ADAR: variants seen among roughly 807,000 people sequenced by gnomAD.
ADAR encodes double-stranded RNA-specific adenosine deaminase.
Under a neutral mutation model 113.2 loss-of-function variants are expected in ADAR, and 41 were observed. That is an observed-to-expected ratio of 0.36 (90% confidence interval 0.28 to 0.47). ADAR has a LOEUF of 0.47. Ranked by LOEUF, ADAR falls within the 20% of genes least tolerant of loss-of-function variation. The pLI, the probability that ADAR is intolerant of heterozygous loss-of-function variation, is 1.00. For missense variants in ADAR, 1,242 were observed against 1,540.9 expected (o/e 0.81, Z 3.25); for synonymous variants, 605 against 572.6 (o/e 1.06, Z -0.81).
chr1:154,624,416 G>C (rs547097878), intron 1 of ADAR, among the ~76,000 whole-genome samples: 2 of 152,260 alleles, frequency 1.3e-5, no homozygotes, highest in South Asian at 4.2e-4. Context: ...GCAGCAACTA[G>C]ACCTCCTTGG....
At chr1:154,624,127 C>G (rs1698871489) in intron 1 of ADAR, among the ~76,000 whole-genome samples, 1 of 152,206 alleles carries the variant, frequency 6.6e-6, no homozygotes, top group African/African-American at 2.4e-5. Flanking sequence ...GCCCCAGGAT[C>G]CAGCCATGCC....
chr1:154,626,035 A>G lies in ADAR; in HGVS notation c.-871+1820T>C, dbSNP rs191558450. Among the ~76,000 whole-genome samples the G allele has an allele frequency of 7.9e-3, 1,200 of 150,946 alleles. 18 individuals are homozygous for G. Among genetic ancestry groups the G allele is most frequent in the African/African-American group, 0.028 (1,153 of 41,042 alleles). On this transcript the variant is annotated intron_variant, in intron 1 of 14. Transcript: ENST00000368471. The stretch of plus-strand genomic sequence containing the variant: ...AAAAAAAAAAAAAAATTAGCCAGGC[A>G]TGGTGGTGCACATCTGTGATCCCAG...
chr1:154,597,011 TC>T lies in ADAR; in HGVS notation c.2080-17del. The stretch of plus-strand genomic sequence containing the variant: ...TACCTTCAGGCTAAAGGAGAATCCA[TC>T]AAACAGAGGAGCCATAAACACTTCA... On this transcript the variant is annotated splice_polypyrimidine_tract_variant and intron_variant, in intron 5 of 14. Transcript: ENST00000368474. 6.2e-7 allele frequency: 1 copy of T among 1,614,090 alleles called. No homozygotes were observed. Among genetic ancestry groups the T allele is most frequent in the Non-Finnish European group, 8.5e-7 (1 of 1,180,008 alleles).
At chr1:154,606,799 C>T (rs1283928824) in intron 1 of ADAR, among the ~76,000 whole-genome samples, 1 of 152,106 alleles carries the variant, frequency 6.6e-6, no homozygotes, top group Admixed American at 6.5e-5. Flanking sequence ...AATCTGGTCT[C>T]ACATATTTAG....
At chr1:154,613,827 C>T (rs986942577) in intron 1 of ADAR, among the ~76,000 whole-genome samples, 2 of 150,278 alleles carry the variant, frequency 1.3e-5, no homozygotes, top group East Asian at 2.0e-4. Flanking sequence ...TCACTTGAAC[C>T]TGGGAGGCGG....
chr1:154,610,285 C>T (rs1034818716), upstream of ADAR, among the ~76,000 whole-genome samples: 1 of 144,876 alleles, frequency 6.9e-6, no homozygotes, highest in East Asian at 2.1e-4. Context: ...TAATTAATAG[C>T]CCCCAAACTG....
At chr1:154,594,932 AG>A (rs1343178671) in intron 6 of ADAR, among the ~76,000 whole-genome samples, 2 of 152,232 alleles carry the variant, frequency 1.3e-5, no homozygotes, top group Non-Finnish European at 2.9e-5. Context: ...AATTTCTAGA[AG>A]GACTCAAGAA....
intron 1 of ADAR, among the ~76,000 whole-genome samples, chr1:154,615,148 G>A (rs576182162): frequency 6.6e-6 from 1 of 152,322 alleles, no homozygotes; most frequent in East Asian, 1.9e-4. Flanking sequence ...CAGTGATACT[G>A]ATTTCAGATT....
intron 2 of ADAR, among the ~76,000 whole-genome samples, chr1:154,599,940 C>T (rs116537321): frequency 6.2e-4 from 95 of 152,326 alleles, no homozygotes; most frequent in African/African-American, 2.3e-3. Flanking sequence ...CCTTTCCCCC[C>T]AGGAGCTATG....
Position 154,607,969 on chromosome 1 carries a change from G to C in ADAR, c.15+23C>G. The C allele has an allele frequency of 1.9e-6, 3 of 1,611,770 alleles. No individual in the cohort carries two copies. The African/African-American group carries it at 4.0e-5, about 21-fold the overall frequency. ...GTAAACGAACCCAGACGGCGGCGAA[G>C]GTCCAAGGCCGGCCCGGCTTACCTG... On this transcript the variant is annotated intron_variant, in intron 1 of 14. Coordinates refer to ENST00000368474, the MANE Select transcript of ADAR (RefSeq NM_001111.5).
chr1:154,589,431 G>A lies in ADAR; in HGVS notation c.2700C>T (p.Ser900=), dbSNP rs1180226978. The A allele has an allele frequency of 1.2e-6, 2 of 1,614,066 alleles. No individual in the cohort carries two copies. Among genetic ancestry groups the A allele is most frequent in the Admixed American group, 1.7e-5 (1 of 60,026 alleles). ...AGTCATTGACAGTTTCTCCTTTTAG[G>A]CTGAGAGAATCTCCTTTCACACAGC... ...GNRCVKGDSL[S]LKGETVNDCH... Residue 900 remains serine, a synonymous_variant, in exon 9 of 15, where the codon AGC becomes AGT. Transcript: ENST00000368474.
chr1:154,600,442 A>C (rs1281817474), intron 2 of ADAR: 1 of 156,604 alleles, frequency 6.4e-6, no homozygotes, highest in Non-Finnish European at 1.4e-5. Context: ...TACAGTCGTA[A>C]GCCACCGCCC....
chr1:154,615,701 A>G (rs1281109650), intron 1 of ADAR, among the ~76,000 whole-genome samples: 1 of 152,246 alleles, frequency 6.6e-6, no homozygotes, highest in Non-Finnish European at 1.5e-5. Flanking sequence ...GGCGTGAGCC[A>G]CCATGCCTCA....
At chr1:154,598,293 G>T in intron 3 of ADAR, 109 bp downstream of exon 3, 2 of 1,248,208 alleles carry the variant, frequency 1.6e-6, no homozygotes, top group Non-Finnish European at 1.2e-6. Flanking sequence ...GTGGGAAGCT[G>T]ACTCCGAGAT....
At chr1:154,597,685 A>T in intron 4 of ADAR, 143 bp downstream of exon 4, 1 of 1,111,392 alleles carries the variant, frequency 9.0e-7, no homozygotes, top group Non-Finnish European at 1.3e-6. Flanking sequence ...ACAAGCAGCA[A>T]CCAGGACCTC....
At chr1:154,621,158 A>G (rs1254234528) in intron 1 of ADAR, among the ~76,000 whole-genome samples, 1 of 152,224 alleles carries the variant, frequency 6.6e-6, no homozygotes, top group Non-Finnish European at 1.5e-5. Flanking sequence ...ACATCCTTAA[A>G]ACAAAACATA....
At position 154,601,595 on chromosome 1, in the gene ADAR, G is replaced by A. The variant is rs754440871; in HGVS notation, c.1047C>T (p.Thr349=). 1.9e-6 allele frequency: 3 copies of A among 1,612,400 alleles called. No individual in the cohort carries two copies. The highest frequency in any genetic ancestry group is 3.3e-5 in the Admixed American group (2 of 59,998). The change falls in exon 2 of 15, where the codon ACC becomes ACT. Residue 349 remains threonine, a synonymous_variant. Transcript: ENST00000368474. This position sits in a 1 kb window ranked among gnomAD's most constrained non-coding sequence, Gnocchi z 4.7. ...RQGDVYRQGT[T]PPIWHLTDKK... ...TGTCTGTCAAATGCCATATGGGAGG[G>A]GTTGTCCCTTGTCTATAGACATCCC... is the stretch of plus-strand genomic sequence containing the variant.
At chr1:154,597,478 T>A (rs1697577752) in intron 4 of ADAR, among the ~76,000 whole-genome samples, 1 of 152,148 alleles carries the variant, frequency 6.6e-6, no homozygotes, top group South Asian at 2.1e-4. Flanking sequence ...TCAACCTAGT[T>A]TCACCTCTTC....
At chr1:154,623,982 G>A (rs567852101) in intron 1 of ADAR, among the ~76,000 whole-genome samples, 1 of 151,350 alleles carries the variant, frequency 6.6e-6, no homozygotes, top group African/African-American at 2.4e-5. Flanking sequence ...CAGCCTGGGG[G>A]CGACAGAGCA....
Sources: gnomAD v4.1 joint callset for allele counts (sites outside exome capture counted in the v4.1 genomes callset) on GRCh38, gnomAD v4.1.1 for gene constraint, Gnocchi (gnomAD v3.1) non-coding constraint, MANE v1.5 for transcripts, NCBI Gene and HGNC (gene_info 2026-07-23, HGNC 2026-07-21) for gene names.